OLFM3: variants seen among roughly 807,000 people sequenced by gnomAD.
OLFM3 encodes the protein noelin-3.
A neutral mutation model predicts 48.6 loss-of-function variants in OLFM3; 20 were observed. The ratio of observed to expected loss-of-function variants is 0.41; its 90% CI spans 0.29 to 0.60. The LOEUF (loss-of-function observed/expected upper bound fraction) is 0.60, where lower values mean the gene tolerates loss of function less well. Ranked by LOEUF, OLFM3 falls within the 20% of genes least tolerant of loss-of-function variation. The probability of loss-of-function intolerance (pLI) is 0.28; values close to 1 mark genes in which losing one functional copy is unlikely to be tolerated. For synonymous variants in OLFM3, 222 were observed against 198.1 expected, an observed-to-expected ratio of 1.12 and a Z score of -1.01; for missense variants, 437 against 544.3, an observed-to-expected ratio of 0.80 and a Z score of 1.96.
chr1:101,824,342 G>A (rs903115673), intron 4 of OLFM3, among the ~76,000 whole-genome samples: 1 of 152,058 alleles, frequency 6.6e-6, no homozygotes, highest in Non-Finnish European at 1.5e-5. Context: ...GTTGACTTCA[G>A]TTAAATAATT....
intron 1 of OLFM3, among the ~76,000 whole-genome samples, chr1:101,966,134 C>G (rs1305499348): frequency 1.3e-5 from 2 of 151,830 alleles, no homozygotes; most frequent in African/African-American, 4.8e-5. Context: ...TTTCTTTAAC[C>G]TTCTCATATG....
chr1:101,896,617 C>G (rs1658212191), intron 1 of OLFM3, among the ~76,000 whole-genome samples: 1 of 150,196 alleles, frequency 6.7e-6, no homozygotes, highest in Non-Finnish European at 1.5e-5. Context: ...GCCTCAGCCT[C>G]CCCAGTAGCT....
At chr1:101,811,757 C>A (rs761161732) in intron 4 of OLFM3, among the ~76,000 whole-genome samples, 3 of 152,104 alleles carry the variant, frequency 2.0e-5, no homozygotes, top group Non-Finnish European at 4.4e-5. Flanking sequence ...ACTAGTTCAA[C>A]CATTGTGGAA....
intron 1 of OLFM3, among the ~76,000 whole-genome samples, chr1:101,903,848 T>C (rs1283982977): frequency 2.0e-5 from 3 of 152,058 alleles, no homozygotes; most frequent in Non-Finnish European, 4.4e-5. Flanking sequence ...ATAATACTTA[T>C]ACATGGCAAT....
intron 1 of OLFM3, among the ~76,000 whole-genome samples, chr1:101,897,992 C>T (rs1040353589): frequency 3.9e-5 from 6 of 152,062 alleles, no homozygotes; most frequent in African/African-American, 1.4e-4. Flanking sequence ...GCTTGAGGTA[C>T]CATGTGTCTG....
intron 1 of OLFM3, among the ~76,000 whole-genome samples, chr1:101,846,034 A>G (rs1480172780): frequency 6.6e-6 from 1 of 152,218 alleles, no homozygotes; most frequent in Non-Finnish European, 1.5e-5. Flanking sequence ...TTTTCTAAGA[A>G]ATTCCTTTTA....
At chr1:101,984,247 CAAAA>C (rs11313941) in intron 1 of OLFM3, among the ~76,000 whole-genome samples, 3 of 89,634 alleles carry the variant, frequency 3.3e-5, no homozygotes, top group Non-Finnish European at 2.2e-5. Flanking sequence ...GACTCTGTCT[CAAAA>C]AAAAAAAAAA....
intron 3 of OLFM3, 144 bp downstream of exon 3, chr1:101,830,528 T>C: frequency 1.2e-6 from 1 of 830,190 alleles, no homozygotes; most frequent in Non-Finnish European, 2.0e-6. Context: ...TCAGTTTCAG[T>C]GGAGAGATGA....
In OLFM3 at chr1:101,806,149, A is replaced by G; in HGVS notation, c.626T>C (p.Val209Ala). 1 of 1,612,088 alleles carries G rather than the reference A, an allele frequency of 6.2e-7. No individual in the cohort carries two copies. Among genetic ancestry groups the G allele is most frequent in the Admixed American group, 1.7e-5 (1 of 59,830 alleles). Reference sequence around the variant, plus strand: ...TCGGGTTCCAGATGTCTTGACTGTAACTGGGCCTGTGATTTTCATCAGTTT... The same window carrying G: ...TCGGGTTCCAGATGTCTTGACTGTAGCTGGGCCTGTGATTTTCATCAGTTT... ...CGKLMKITGP[V>A]TVKTSGTRFG... The change falls in exon 5 of 6, where the codon GTT becomes GCT. Residue 209 changes from valine (V) to alanine (A), a missense_variant. This residue lies in a region of OLFM3 where 314 missense variants were observed against 365.5 expected (regional missense o/e 0.86). Transcript: ENST00000370103.
chr1:101,855,436 G>A (rs1656375639), intron 1 of OLFM3, among the ~76,000 whole-genome samples: 1 of 152,026 alleles, frequency 6.6e-6, no homozygotes, highest in Non-Finnish European at 1.5e-5. Context: ...CTATCTCACT[G>A]TGTCTCATAC....
intron 1 of OLFM3, among the ~76,000 whole-genome samples, chr1:101,996,289 C>A (rs770555434): frequency 2.0e-4 from 31 of 152,112 alleles, no homozygotes; most frequent in Non-Finnish European, 3.8e-4. Context: ...GGACACAAAC[C>A]GCAGCACGTC....
chr1:101,989,566 A>G (rs949800542), intron 1 of OLFM3, among the ~76,000 whole-genome samples: 1 of 152,118 alleles, frequency 6.6e-6, no homozygotes, highest in Non-Finnish European at 1.5e-5. Context: ...TCTATTCTAG[A>G]TATTACATAT....
chr1:101,859,237 T>C (rs1174752096), intron 1 of OLFM3, among the ~76,000 whole-genome samples: 1 of 151,786 alleles, frequency 6.6e-6, no homozygotes, highest in Non-Finnish European at 1.5e-5. Flanking sequence ...CTTTATGGAG[T>C]TTCAGGAAGA....
At chr1:101,877,055 A>G (rs1657330131) in intron 1 of OLFM3, among the ~76,000 whole-genome samples, 1 of 152,048 alleles carries the variant, frequency 6.6e-6, no homozygotes, top group Non-Finnish European at 1.5e-5. Flanking sequence ...GCCATTTTGA[A>G]GAACAAATGA....
chr1:101,943,278 C>T (rs2101061817), intron 1 of OLFM3, among the ~76,000 whole-genome samples: 1 of 152,298 alleles, frequency 6.6e-6, no homozygotes. Flanking sequence ...AGAAGAAATG[C>T]CACCTGTGGA....
intron 4 of OLFM3, among the ~76,000 whole-genome samples, chr1:101,815,763 G>T (rs1463402854): frequency 6.6e-6 from 1 of 152,194 alleles, no homozygotes; most frequent in Non-Finnish European, 1.5e-5. Context: ...AGTTGTTCAT[G>T]ACTATTACAC....
intron 1 of OLFM3, among the ~76,000 whole-genome samples, chr1:101,851,322 A>C (rs1656213568): frequency 6.6e-6 from 1 of 152,150 alleles, no homozygotes; most frequent in Non-Finnish European, 1.5e-5. Flanking sequence ...CCAATGTGAA[A>C]TGGTTATTTG....
chr1:101,885,178 C>A (rs1657698221), intron 1 of OLFM3, among the ~76,000 whole-genome samples: 1 of 151,372 alleles, frequency 6.6e-6, no homozygotes, highest in South Asian at 2.1e-4. Flanking sequence ...GTGGATATGG[C>A]AAAAAAAGGT....
At chr1:101,994,302 A>T (rs1661496636) in intron 1 of OLFM3, among the ~76,000 whole-genome samples, 2 of 151,030 alleles carry the variant, frequency 1.3e-5, no homozygotes, top group African/African-American at 4.8e-5. Flanking sequence ...ATGTATTAGT[A>T]TGCAAAAAGG....
Sources: allele counts gnomAD v4.1 joint callset (sites outside exome capture counted in the v4.1 genomes callset), GRCh38; gene constraint gnomAD v4.1.1; regional missense constraint gnomAD v4.1.1; transcripts MANE v1.5; gene names NCBI Gene and HGNC (gene_info 2026-07-23, HGNC 2026-07-21).